GPN3: variants seen among roughly 807,000 people sequenced by gnomAD.
GPN3 encodes the protein ATP-binding domain 1 family member C.
Under a neutral mutation model 38.7 loss-of-function variants are expected in GPN3, and 31 were observed. The observed-to-expected ratio is 0.80, with a 90% confidence interval of 0.60 to 1.08. The LOEUF (loss-of-function observed/expected upper bound fraction) is 1.08, where lower values mean the gene tolerates loss of function less well. GPN3 is among the 50% of genes least tolerant of loss of function. The pLI, the probability that GPN3 is intolerant of heterozygous loss-of-function variation, is 0.00. For missense variants in GPN3, 301 were observed against 354.4 expected, an observed-to-expected ratio of 0.85 and a Z score of 1.21; for synonymous variants, 116 against 120.2, an observed-to-expected ratio of 0.96 and a Z score of 0.23.
upstream of GPN3, chr12:110,468,666 C>T (rs1296113317): frequency 1.3e-6 from 2 of 1,536,504 alleles, no homozygotes; most frequent in East Asian, 4.9e-5. Flanking sequence ...CGCACTGCTT[C>T]CACAGAGAGG....
chr12:110,459,188 C>CAA (rs2062569763), intron 3 of GPN3, among the ~76,000 whole-genome samples: 1 of 151,834 alleles, frequency 6.6e-6, no homozygotes, highest in African/African-American at 2.4e-5. Context: ...CATCTGTGCT[C>CAA]TATGGTATTC....
At chr12:110,453,151 C>T in intron 7 of GPN3, 55 bp from the exon 8 acceptor site, 1 of 845,974 alleles carries the variant, frequency 1.2e-6, no homozygotes, top group African/African-American at 1.7e-5. Context: ...TCAGTCAGAA[C>T]TAGTATGTGT....
At chr12:110,465,309 C>A in intron 1 of GPN3, 95 bp from the exon 2 acceptor site, 1 of 759,510 alleles carries the variant, frequency 1.3e-6, no homozygotes, top group Middle Eastern at 2.5e-4. Context: ...CAAAACTATG[C>A]CTTCATCAAC....
Position 110,454,866 on chromosome 12 carries a change from G to C in GPN3, c.663+720C>G, listed in dbSNP as rs183441657. Among the ~76,000 whole-genome samples, 367 of 150,372 alleles carry C rather than the reference G, an allele frequency of 2.4e-3. 1 individual carries two copies. The highest frequency in any genetic ancestry group is 3.7e-3 in the Non-Finnish European group (253 of 67,572). On this transcript the variant is annotated intron_variant, in intron 6 of 7. Coordinates refer to ENST00000228827, the MANE Select transcript of GPN3 (RefSeq NM_016301.4). ...GACAGAGTCTTGCTGTTGTTGGACC[G>C]GGCTGGAGTGCAATGACAAGATCTC...
At chr12:110,459,571 T>C in intron 3 of GPN3, 124 bp downstream of exon 3, 2 of 725,458 alleles carry the variant, frequency 2.8e-6, no homozygotes, top group Non-Finnish European at 4.8e-6. Flanking sequence ...TGACAGCCAT[T>C]GAATAAGCTT....
upstream of GPN3, chr12:110,468,551 G>C (rs746034393): frequency 3.3e-6 from 5 of 1,537,174 alleles, no homozygotes; most frequent in African/African-American, 5.5e-5. Flanking sequence ...GCAGACGTTT[G>C]ACCTGTATGG....
At position 110,458,989 on chromosome 12, in the gene GPN3, C is replaced by A. The variant is rs1184573239; in HGVS notation, c.325+706G>T. 6.6e-6 allele frequency among the ~76,000 whole-genome samples: 1 copy of A among 152,172 alleles called. No individual in the cohort carries two copies. Among genetic ancestry groups the A allele is most frequent in the Non-Finnish European group, 1.5e-5 (1 of 68,040 alleles). On this transcript the variant is annotated intron_variant, in intron 3 of 7. Transcript: ENST00000228827. This position sits in a 1 kb window ranked among gnomAD's most constrained non-coding sequence, Gnocchi z 4.4. ...GGCTGTGCCCTCTGCCTTCCTCACC[C>A]TCAGCCTCCAGCCCAGCTGAAAGGC...
At position 110,453,920 on chromosome 12, in the gene GPN3, T is replaced by C. The variant is rs1360670912; in HGVS notation, c.664-49A>G. 5 of 1,458,082 alleles carry C rather than the reference T, an allele frequency of 3.4e-6. No individual in the cohort carries two copies. In the African/African-American group the frequency reaches 7.1e-5, roughly 21 times the overall value. 90.3% of individuals were successfully genotyped at this position (1,458,082 alleles called of 1,614,324 possible). On this transcript the variant is annotated intron_variant, in intron 6 of 7. Transcript: ENST00000228827. ...AAGTTCATTCTGAAGTTGTGCAAAA[T>C]ACATAATTTTCAACTTATATTTGAG...
chr12:110,466,645 G>A (rs1195217322), intron 1 of GPN3, among the ~76,000 whole-genome samples: 1 of 151,950 alleles, frequency 6.6e-6, no homozygotes, highest in Non-Finnish European at 1.5e-5. Flanking sequence ...ATAGGCTCTC[G>A]CCACCATGCC....
At chr12:110,468,370 C>T, upstream of GPN3, 1 of 1,522,878 alleles carries the variant, frequency 6.6e-7, no homozygotes, top group Non-Finnish European at 8.8e-7. Context: ...CCGTGAGAAA[C>T]GCGTCCTGAG....
chr12:110,468,370 C>A, upstream of GPN3: 1 of 1,522,876 alleles, frequency 6.6e-7, no homozygotes, highest in Non-Finnish European at 8.8e-7. Flanking sequence ...CCGTGAGAAA[C>A]GCGTCCTGAG....
intron 4 of GPN3, among the ~76,000 whole-genome samples, chr12:110,456,741 T>G (rs1246963087): frequency 6.6e-6 from 1 of 151,482 alleles, no homozygotes; most frequent in Non-Finnish European, 1.5e-5. Flanking sequence ...CAGGCTGGTG[T>G]GCAATGGTGC....
chr12:110,456,286 G>A (rs372655637), intron 4 of GPN3, among the ~76,000 whole-genome samples: 8 of 136,576 alleles, frequency 5.9e-5, no homozygotes, highest in African/African-American at 2.2e-4. Flanking sequence ...CCAAGATTGC[G>A]CCACCACATT....
Position 110,452,899 on chromosome 12 carries a change from A to G in GPN3, c.*135T>C. On this transcript the variant is annotated 3_prime_UTR_variant, in exon 8 of 8. Coordinates refer to ENST00000228827, the MANE Select transcript of GPN3 (RefSeq NM_016301.4). Reference sequence around the variant, plus strand: ...GAATAATTAAAAATTTGATTCAGGCATGAGGCTGATAAAGAACGAAGTTTT... The same window carrying G: ...GAATAATTAAAAATTTGATTCAGGCGTGAGGCTGATAAAGAACGAAGTTTT... The G allele has an allele frequency of 3.0e-6, 2 of 670,284 alleles. No individual in the cohort carries two copies. The highest frequency in any genetic ancestry group is 5.5e-6 in the Non-Finnish European group (2 of 363,478). The allele number at this position is 670,284 out of a possible 1,614,324, so 41.5% of individuals were successfully genotyped here. A position where few individuals can be genotyped will look rare whatever the true frequency, so the allele number is the denominator to read the frequency against.
At chr12:110,465,501 C>T (rs566067163) in intron 1 of GPN3, among the ~76,000 whole-genome samples, 6 of 152,214 alleles carry the variant, frequency 3.9e-5, no homozygotes, top group African/African-American at 1.4e-4. Flanking sequence ...ATGTGACAAG[C>T]GGTATTTAAA....
chr12:110,468,652 G>T (rs911681433), upstream of GPN3: 43 of 1,537,008 alleles, frequency 2.8e-5, no homozygotes, highest in Non-Finnish European at 3.3e-5. Context: ...TTTCCCTCCT[G>T]TGACGCACTG....
intron 4 of GPN3, 35 bp downstream of exon 4, chr12:110,457,475 A>G: frequency 1.4e-6 from 2 of 1,410,496 alleles, no homozygotes; most frequent in Non-Finnish European, 1.9e-6. Flanking sequence ...AAAAAAAAAA[A>G]AAAAAAAAAA....
intron 4 of GPN3, among the ~76,000 whole-genome samples, chr12:110,456,448 G>C (rs2062550536): frequency 6.6e-6 from 1 of 151,808 alleles, no homozygotes; most frequent in African/African-American, 2.4e-5. Flanking sequence ...AAATCATTGG[G>C]AATCAAATGC....
chr12:110,468,462 G>A (rs1239034263), upstream of GPN3: 6 of 1,536,910 alleles, frequency 3.9e-6, no homozygotes, highest in South Asian at 1.2e-5. Context: ...TGCTGTCTAA[G>A]CTTGGATACC....
Sources: allele counts gnomAD v4.1 joint callset (sites outside exome capture counted in the v4.1 genomes callset), GRCh38; gene constraint gnomAD v4.1.1; non-coding constraint Gnocchi (gnomAD v3.1); transcripts MANE v1.5; gene names NCBI Gene and HGNC (gene_info 2026-07-23, HGNC 2026-07-21).